Variants in XYLT1 observed in about 807,000 individuals in gnomAD.
XYLT1 encodes the protein beta-D-xylosyltransferase 1.
In XYLT1, 36 loss-of-function variants were observed where a neutral mutation model predicts 91.3. That is an observed-to-expected ratio of 0.39 (90% confidence interval 0.30 to 0.52). The LOEUF is 0.52. Ranked by LOEUF, XYLT1 falls within the 20% of genes least tolerant of loss-of-function variation. The pLI, the probability that XYLT1 is intolerant of heterozygous loss-of-function variation, is 0.68. For missense variants in XYLT1, 1,242 were observed against 1,284.5 expected (o/e 0.97, Z 0.51); for synonymous variants, 588 against 532.0 (o/e 1.11, Z -1.45).
chr16:17,197,323 T>C (rs1021099866), intron 5 of XYLT1, among the ~76,000 whole-genome samples: 3 of 152,136 alleles, frequency 2.0e-5, no homozygotes, highest in East Asian at 1.9e-4. Flanking sequence ...TCTGTTCTTA[T>C]CCGTGAAAAC....
intron 1 of XYLT1, among the ~76,000 whole-genome samples, chr16:17,371,715 T>C (rs1373973407): frequency 6.6e-6 from 1 of 152,204 alleles, no homozygotes; most frequent in African/African-American, 2.4e-5. Flanking sequence ...GTGCAGCATA[T>C]TTTACTGCAA....
At chr16:17,192,943 G>C (rs532111858) in intron 5 of XYLT1, 1 of 151,640 alleles carries the variant, frequency 6.6e-6, no homozygotes, top group African/African-American at 2.4e-5. Context: ...CTCATGAGTA[G>C]CTGGGGTTAC....
intron 3 of XYLT1, among the ~76,000 whole-genome samples, chr16:17,247,652 C>T (rs2033461990): frequency 6.6e-6 from 1 of 152,158 alleles, no homozygotes; most frequent in Non-Finnish European, 1.5e-5. Flanking sequence ...TTGTTCAAGG[C>T]TTTCGCAGCC....
At chr16:17,209,767 TGGA>T (rs1234836624) in intron 3 of XYLT1, among the ~76,000 whole-genome samples, 2 of 152,212 alleles carry the variant, frequency 1.3e-5, no homozygotes, top group Admixed American at 1.3e-4. Context: ...AGCCTGATTG[TGGA>T]GGAGTTCATG....
chr16:17,275,486 T>A (rs1314497737), intron 2 of XYLT1, among the ~76,000 whole-genome samples: 1 of 151,258 alleles, frequency 6.6e-6, no homozygotes, highest in Non-Finnish European at 1.5e-5. Flanking sequence ...AAGGGAGGAG[T>A]CCAGAAGTAA....
At chr16:17,376,836 A>G (rs2035608307) in intron 1 of XYLT1, among the ~76,000 whole-genome samples, 1 of 144,428 alleles carries the variant, frequency 6.9e-6, no homozygotes, top group Non-Finnish European at 1.5e-5. Flanking sequence ...TCAAAAAAAA[A>G]AAAAAAAAAA....
intron 1 of XYLT1, among the ~76,000 whole-genome samples, chr16:17,424,351 TATTCC>T (rs2036287052): frequency 6.6e-6 from 1 of 152,212 alleles, no homozygotes; most frequent in African/African-American, 2.4e-5. Context: ...ACCCACAAGT[TATTCC>T]ATTCGGTTCA....
Position 17,135,406 on chromosome 16 carries a change from C to T in XYLT1, c.1765-671G>A, listed in dbSNP as rs549231312. On this transcript the variant is annotated intron_variant, in intron 8 of 11. Transcript: ENST00000261381. ...CAGGCCAGGCACACACCTGTAGTCC[C>T]AGCTGCTCAGGAGGCTGAGACAGGA... Among the ~76,000 whole-genome samples, 4 of 152,178 alleles carry T rather than the reference C, an allele frequency of 2.6e-5. No homozygotes were observed. In the East Asian group the frequency reaches 7.7e-4, roughly 29 times the overall value.
At chr16:17,436,023 C>T (rs1462905032) in intron 1 of XYLT1, among the ~76,000 whole-genome samples, 1 of 152,124 alleles carries the variant, frequency 6.6e-6, no homozygotes, top group Non-Finnish European at 1.5e-5. Context: ...TCATGGGGGC[C>T]GTTTCCCCCA....
At chr16:17,445,685 A>G (rs1423107913) in intron 1 of XYLT1, 13 of 152,230 alleles carry the variant, frequency 8.5e-5, no homozygotes, top group Admixed American at 8.5e-4. Flanking sequence ...CAGCTGATTA[A>G]CACGCGTGGA....
intron 5 of XYLT1, among the ~76,000 whole-genome samples, chr16:17,186,656 AC>A (rs1374089237): frequency 6.6e-6 from 1 of 152,010 alleles, no homozygotes; most frequent in Non-Finnish European, 1.5e-5. Context: ...GCTGAGAAGC[AC>A]ATAGTGAGAT....
intron 5 of XYLT1, among the ~76,000 whole-genome samples, chr16:17,190,800 G>C (rs1597180298): frequency 6.6e-6 from 1 of 151,622 alleles, no homozygotes; most frequent in African/African-American, 2.4e-5. Context: ...AATCCTTTAG[G>C]TATACACCCA....
At chr16:17,169,136 G>A (rs544282196) in intron 5 of XYLT1, among the ~76,000 whole-genome samples, 7 of 152,282 alleles carry the variant, frequency 4.6e-5, no homozygotes, top group East Asian at 3.9e-4. Flanking sequence ...CTCAAGGAAC[G>A]CACAGAACAC....
intron 2 of XYLT1, among the ~76,000 whole-genome samples, chr16:17,287,580 G>T (rs1485472172): frequency 1.3e-5 from 2 of 152,342 alleles, no homozygotes; most frequent in South Asian, 4.1e-4. Context: ...CCATTCTGAG[G>T]ACTCTGTTGG....
chr16:17,261,012 T>C (rs558897756), intron 2 of XYLT1, among the ~76,000 whole-genome samples: 1 of 152,148 alleles, frequency 6.6e-6, no homozygotes, highest in East Asian at 1.9e-4. Context: ...GGCAGGTGAA[T>C]CACTTGAGGT....
chr16:17,113,894 G>A (rs1038980812), intron 11 of XYLT1, among the ~76,000 whole-genome samples: 2 of 152,116 alleles, frequency 1.3e-5, no homozygotes, highest in Admixed American at 6.5e-5. Context: ...TCCACCTGCC[G>A]GGACGGTGGG....
chr16:17,168,915 G>A (rs2031761028), intron 5 of XYLT1, among the ~76,000 whole-genome samples: 1 of 152,160 alleles, frequency 6.6e-6, no homozygotes, highest in African/African-American at 2.4e-5. Flanking sequence ...CCCTTGGCAA[G>A]GCATGCAAGG....
chr16:17,406,102 T>G (rs2036030015), intron 1 of XYLT1, among the ~76,000 whole-genome samples: 1 of 152,130 alleles, frequency 6.6e-6, no homozygotes, highest in African/African-American at 2.4e-5. Context: ...GGAGAATCGC[T>G]TGAACCTGGG....
chr16:17,423,006 G>A (rs7203032), intron 1 of XYLT1, among the ~76,000 whole-genome samples: 17,121 of 152,212 alleles, frequency 0.11, 1,050 homozygotes, highest in Non-Finnish European at 0.15. Flanking sequence ...CAAAGTCCCC[G>A]TACAGACTAG....
Sources: allele counts gnomAD v4.1 joint callset (sites outside exome capture counted in the v4.1 genomes callset), GRCh38; gene constraint gnomAD v4.1.1; transcripts MANE v1.5; gene names NCBI Gene and HGNC (gene_info 2026-07-23, HGNC 2026-07-21).